The following SLC8A1 variants were observed in gnomAD, a reference collection of about 807,000 sequenced individuals.
SLC8A1 encodes the protein solute carrier family 8 member A1, also known as sodium/calcium exchanger 1.
A neutral mutation model predicts 68.3 loss-of-function variants in SLC8A1; 18 were observed. The ratio of observed to expected loss-of-function variants is 0.26; its 90% CI spans 0.18 to 0.39. SLC8A1 has a LOEUF of 0.39. Among genes scored for constraint, SLC8A1 ranks in the 10% least tolerant of loss-of-function variants. SLC8A1 has a pLI of 1.00. For missense variants in SLC8A1, 985 were observed against 1,156.7 expected, an observed-to-expected ratio of 0.85 and a Z score of 2.15; for synonymous variants, 475 against 415.5, an observed-to-expected ratio of 1.14 and a Z score of -1.74.
intron 2 of SLC8A1, among the ~76,000 whole-genome samples, chr2:40,317,114 A>G (rs891773157): frequency 2.3e-4 from 35 of 152,158 alleles, no homozygotes; most frequent in African/African-American, 7.9e-4. Context: ...TTAAGATTGC[A>G]TAATATGTTA....
chr2:40,202,728 C>T (rs1404383385), intron 2 of SLC8A1, among the ~76,000 whole-genome samples: 1 of 151,950 alleles, frequency 6.6e-6, no homozygotes, highest in East Asian at 1.9e-4. Context: ...CAGGGAGAGA[C>T]CTACTTCCTG....
chr2:40,410,728 C>G (rs1217906287), intron 2 of SLC8A1, among the ~76,000 whole-genome samples: 1 of 152,072 alleles, frequency 6.6e-6, no homozygotes, highest in Non-Finnish European at 1.5e-5. Context: ...TCTTCCCACT[C>G]TGTGAGCTCA....
chr2:40,185,546 C>T (rs960955440), intron 2 of SLC8A1, among the ~76,000 whole-genome samples: 1 of 152,022 alleles, frequency 6.6e-6, no homozygotes, highest in Admixed American at 6.6e-5. Context: ...ATAGGCAAAT[C>T]CAGAGACAGA....
chr2:40,172,301 A>G (rs116016504), intron 4 of SLC8A1, among the ~76,000 whole-genome samples: 6 of 152,338 alleles, frequency 3.9e-5, no homozygotes, highest in African/African-American at 1.4e-4. Flanking sequence ...GTAGGAATGG[A>G]CAGGCCAGTG....
chr2:40,105,624 A>G (rs1572675340), exon 8 of SLC8A1: 1 of 152,194 alleles, frequency 6.6e-6, no homozygotes, highest in Admixed American at 6.5e-5. Flanking sequence ...AGTTTTGTAA[A>G]AATTGGTCAC....
At chr2:40,323,960 T>A (rs947976702) in intron 2 of SLC8A1, among the ~76,000 whole-genome samples, 9 of 151,768 alleles carry the variant, frequency 5.9e-5, no homozygotes, top group African/African-American at 1.9e-4. Flanking sequence ...TTTCCGTGCA[T>A]ACTTAACTTA....
intron 2 of SLC8A1, among the ~76,000 whole-genome samples, chr2:40,179,257 T>C (rs1327322012): frequency 6.6e-6 from 1 of 152,222 alleles, no homozygotes; most frequent in Non-Finnish European, 1.5e-5. Flanking sequence ...TCTTCCAAAG[T>C]TGAGTTTTAA....
chr2:40,194,506 T>TGTGTGCGCGC (rs963279052), intron 2 of SLC8A1, among the ~76,000 whole-genome samples: 5 of 131,824 alleles, frequency 3.8e-5, no homozygotes, highest in African/African-American at 1.1e-4. Flanking sequence ...TGTGTGTGTG[T>TGTGTGCGCGC]GCGCGCGCAA....
chr2:40,258,588 C>A (rs2064260759), intron 2 of SLC8A1, among the ~76,000 whole-genome samples: 1 of 149,942 alleles, frequency 6.7e-6, no homozygotes, highest in African/African-American at 2.4e-5. Context: ...CACCTGCAAT[C>A]CCAGCATTTT....
At chr2:40,245,990 A>G (rs1489403833) in intron 2 of SLC8A1, among the ~76,000 whole-genome samples, 1 of 152,238 alleles carries the variant, frequency 6.6e-6, no homozygotes, top group East Asian at 1.9e-4. Flanking sequence ...TCCATCTCAG[A>G]GACCTATGAT....
At chr2:40,131,298 G>T (rs2039281888) in intron 7 of SLC8A1, among the ~76,000 whole-genome samples, 1 of 152,196 alleles carries the variant, frequency 6.6e-6, no homozygotes, top group Admixed American at 6.5e-5. Context: ...CGTAGTCATT[G>T]TGCTAAGACT....
intron 1 of SLC8A1, among the ~76,000 whole-genome samples, chr2:40,463,867 C>T (rs1253706388): frequency 6.8e-6 from 1 of 147,310 alleles, no homozygotes; most frequent in Non-Finnish European, 1.5e-5. Flanking sequence ...CACACACACA[C>T]ACACACACAC....
chr2:40,343,031 T>A (rs562016978), intron 2 of SLC8A1, among the ~76,000 whole-genome samples: 64 of 152,208 alleles, frequency 4.2e-4, no homozygotes, highest in Middle Eastern at 3.4e-3. Flanking sequence ...CAGAATCTCA[T>A]TTTAATTATG....
intron 2 of SLC8A1, among the ~76,000 whole-genome samples, chr2:40,233,510 G>T (rs1377143547): frequency 7.0e-6 from 1 of 142,670 alleles, no homozygotes; most frequent in African/African-American, 2.6e-5. Flanking sequence ...TTTGTCAGAT[G>T]AGTAGGTTGC....
At chr2:40,154,063 C>T (rs938615817) in intron 6 of SLC8A1, among the ~76,000 whole-genome samples, 4 of 152,108 alleles carry the variant, frequency 2.6e-5, no homozygotes, top group East Asian at 3.9e-4. Flanking sequence ...ATTAGACTCA[C>T]GATGATGGGG....
upstream of SLC8A1, among the ~76,000 whole-genome samples, chr2:40,454,780 C>T (rs893419094): frequency 6.6e-6 from 1 of 152,138 alleles, no homozygotes; most frequent in Non-Finnish European, 1.5e-5. Flanking sequence ...AAACCTTTTG[C>T]TCCCTCCTAA....
chr2:40,115,478 C>T, exon 8 of SLC8A1: 5 of 1,614,200 alleles, frequency 3.1e-6, no homozygotes, highest in Non-Finnish European at 4.2e-6. Context: ...ACACTTTGAA[C>T]TGTTCCCCAT....
chr2:40,147,324 T>C (rs1209031313), intron 6 of SLC8A1, among the ~76,000 whole-genome samples: 3 of 152,198 alleles, frequency 2.0e-5, no homozygotes, highest in East Asian at 3.8e-4. Context: ...TGGTTGTTTA[T>C]AAAATAACTC....
At chr2:40,482,572 T>C (rs989209643) in intron 1 of SLC8A1, among the ~76,000 whole-genome samples, 1 of 152,070 alleles carries the variant, frequency 6.6e-6, no homozygotes, top group African/African-American at 2.4e-5. Flanking sequence ...TTCTATTTTA[T>C]GGGATGAAGA....
Sources: gnomAD v4.1 joint callset for allele counts (sites outside exome capture counted in the v4.1 genomes callset) on GRCh38, gnomAD v4.1.1 for gene constraint, MANE v1.5 for transcripts, NCBI Gene and HGNC (gene_info 2026-07-23, HGNC 2026-07-21) for gene names.